The following CALN1 variants were observed in gnomAD, a reference collection of about 807,000 sequenced individuals.
CALN1 encodes the protein calneuron 1.
Under a neutral mutation model 30.6 loss-of-function variants are expected in CALN1, and 17 were observed. The ratio of observed to expected loss-of-function variants is 0.56; its 90% confidence interval spans 0.38 to 0.83. The LOEUF (loss-of-function observed/expected upper bound fraction) is 0.83, where lower values mean the gene tolerates loss of function less well. CALN1 is among the 40% of genes least tolerant of loss of function. The pLI is 0.00. For synonymous variants in CALN1, 156 were observed against 131.4 expected (o/e 1.19, Z -1.28); for missense variants, 291 against 354.9 (o/e 0.82, Z 1.45).
intron 3 of CALN1, among the ~76,000 whole-genome samples, chr7:72,177,544 C>A (rs936857574): frequency 2.6e-5 from 4 of 152,036 alleles, no homozygotes; most frequent in Non-Finnish European, 4.4e-5. Flanking sequence ...AAGGGCGGAT[C>A]ACTTGAAGTC....
At chr7:72,142,699 G>A (rs953726633) in intron 3 of CALN1, among the ~76,000 whole-genome samples, 3 of 152,304 alleles carry the variant, frequency 2.0e-5, no homozygotes, top group East Asian at 1.9e-4. Flanking sequence ...CTTGACCCCC[G>A]AGTAGCCTAA....
At chr7:72,445,528 G>A (rs1808501949) in intron 1 of CALN1, among the ~76,000 whole-genome samples, 1 of 152,142 alleles carries the variant, frequency 6.6e-6, no homozygotes, top group Non-Finnish European at 1.5e-5. Context: ...CTGTTTGCAG[G>A]AAACATCTCT....
At chr7:72,477,405 C>T in the CALN1 span, among the ~76,000 whole-genome samples, 1 of 151,996 alleles carries the variant, frequency 6.6e-6, no homozygotes, top group Admixed American at 6.6e-5. Context: ...GGGCCGCCAC[C>T]TTCTCCTTAC....
intron 5 of CALN1, among the ~76,000 whole-genome samples, chr7:71,830,418 G>C (rs538106144): frequency 6.6e-6 from 1 of 151,976 alleles, no homozygotes; most frequent in Non-Finnish European, 1.5e-5. Flanking sequence ...TGCGATCTCG[G>C]CTCACTGCAA....
chr7:72,298,033 A>G (rs1456379159), intron 2 of CALN1, among the ~76,000 whole-genome samples: 1 of 152,204 alleles, frequency 6.6e-6, no homozygotes, highest in Admixed American at 6.5e-5. Flanking sequence ...TTTAGCTACA[A>G]AATCACATAA....
chr7:72,234,286 C>A (rs766349389), intron 3 of CALN1, among the ~76,000 whole-genome samples: 3 of 152,138 alleles, frequency 2.0e-5, no homozygotes, highest in Non-Finnish European at 2.9e-5. Context: ...CCCGGGAGCC[C>A]AGCCAAGATT....
chr7:72,100,127 C>A (rs979223002), intron 4 of CALN1, among the ~76,000 whole-genome samples: 2 of 149,846 alleles, frequency 1.3e-5, no homozygotes, highest in African/African-American at 4.9e-5. Flanking sequence ...GGGCCGAAGA[C>A]GCTTAAATCT....
intron 5 of CALN1, among the ~76,000 whole-genome samples, chr7:71,973,390 G>T (rs1287502020): frequency 6.6e-6 from 1 of 152,122 alleles, no homozygotes; most frequent in Non-Finnish European, 1.5e-5. Flanking sequence ...TGGCCAGGCT[G>T]GTCTCAAACT....
the CALN1 span, among the ~76,000 whole-genome samples, chr7:72,458,303 T>C: frequency 3.1e-5 from 1 of 32,222 alleles, no homozygotes. Context: ...TATTCTATAT[T>C]ATATAATATA....
chr7:72,085,042 T>C (rs189942232), intron 4 of CALN1, among the ~76,000 whole-genome samples: 1 of 152,332 alleles, frequency 6.6e-6, no homozygotes, highest in Admixed American at 6.5e-5. Flanking sequence ...GACATTGTCA[T>C]GGCTCCATGA....
intron 3 of CALN1, among the ~76,000 whole-genome samples, chr7:72,194,905 T>C (rs1207167908): frequency 2.6e-5 from 4 of 151,970 alleles, no homozygotes; most frequent in African/African-American, 7.2e-5. Context: ...CCCTCTATTC[T>C]GTCCTCCACA....
intron 2 of CALN1, among the ~76,000 whole-genome samples, chr7:72,395,271 G>C (rs183283839): frequency 3.3e-5 from 5 of 152,080 alleles, no homozygotes; most frequent in Non-Finnish European, 5.9e-5. Context: ...CTAAGAACTA[G>C]GCATGTCCCC....
the CALN1 span, among the ~76,000 whole-genome samples, chr7:72,490,821 GA>G: frequency 6.6e-6 from 1 of 152,102 alleles, no homozygotes; most frequent in Non-Finnish European, 1.5e-5. Context: ...GCAGAACTAT[GA>G]GTCAATTAAA....
intron 5 of CALN1, among the ~76,000 whole-genome samples, chr7:71,989,475 T>C (rs1189378397): frequency 6.7e-6 from 1 of 148,338 alleles, no homozygotes; most frequent in Non-Finnish European, 1.5e-5. Context: ...ACAAGGCCAA[T>C]ATCTGGGAGG....
chr7:72,048,718 CCT>C (rs200126754), intron 4 of CALN1, among the ~76,000 whole-genome samples: 2,891 of 150,124 alleles, frequency 0.019, 89 homozygotes, highest in African/African-American at 0.067. Context: ...TTCCTTTTTC[CCT>C]CTTCTTTCCT....
At chr7:72,269,610 T>C (rs986182377) in intron 3 of CALN1, among the ~76,000 whole-genome samples, 2 of 152,184 alleles carry the variant, frequency 1.3e-5, no homozygotes, top group African/African-American at 4.8e-5. Context: ...TCTTAAGAGA[T>C]GGTCAGTTTC....
At chr7:72,489,851 T>C in the CALN1 span, among the ~76,000 whole-genome samples, 1 of 152,262 alleles carries the variant, frequency 6.6e-6, no homozygotes. Flanking sequence ...CACTCCCCAA[T>C]TCCAGGGCTG....
chr7:72,288,490 G>C (rs1269741324), intron 2 of CALN1, among the ~76,000 whole-genome samples: 1 of 152,056 alleles, frequency 6.6e-6, no homozygotes, highest in African/African-American at 2.4e-5. Flanking sequence ...TAGGGGGAAA[G>C]GAATTAGACT....
intron 5 of CALN1, among the ~76,000 whole-genome samples, chr7:71,886,205 C>A (rs912157191): frequency 9.2e-5 from 14 of 152,274 alleles, no homozygotes; most frequent in Non-Finnish European, 2.1e-4. Context: ...GCCCTTGCCC[C>A]ACCGCCGCAA....
Sources: gnomAD v4.1 joint callset for allele counts (sites outside exome capture counted in the v4.1 genomes callset) on GRCh38, gnomAD v4.1.1 for gene constraint, MANE v1.5 for transcripts, NCBI Gene and HGNC (gene_info 2026-07-23, HGNC 2026-07-21) for gene names.